Variants in STARD10 observed in about 807,000 individuals in gnomAD.
STARD10 encodes the protein StAR related lipid transfer domain containing 10.
In STARD10, 24 loss-of-function variants were observed where a neutral mutation model predicts 36.0. That is an observed-to-expected ratio of 0.67 (90% CI 0.48 to 0.94). The LOEUF (loss-of-function observed/expected upper bound fraction) is 0.94. Among genes scored for constraint, STARD10 ranks in the 40% least tolerant of loss-of-function variants. The pLI is 0.00. For missense variants in STARD10, 335 were observed against 396.6 expected, an observed-to-expected ratio of 0.84 and a Z score of 1.32; for synonymous variants, 156 against 161.9, an observed-to-expected ratio of 0.96 and a Z score of 0.28.
chr11:72,782,607 A>C (rs906522122), intron 1 of STARD10: 4 of 152,354 alleles, frequency 2.6e-5, no homozygotes, highest in Admixed American at 2.6e-4. Flanking sequence ...GCTATGGACT[A>C]GACTAGGCTC....
In STARD10 at chr11:72,793,526, T is replaced by C. The variant is rs541551090; in HGVS notation, c.-765A>G. 6.6e-6 allele frequency: 1 copy of C among 152,402 alleles called. No individual in the cohort carries two copies. Among genetic ancestry groups the C allele is most frequent in the Non-Finnish European group, 1.5e-5 (1 of 68,050 alleles). The allele number at this position is 152,402 out of a possible 1,614,324, so 9.4% of individuals were successfully genotyped here. A position where few individuals can be genotyped will look rare whatever the true frequency, so the allele number is the denominator to read the frequency against. On this transcript the variant is annotated 5_prime_UTR_variant, in exon 1 of 7. Transcript: ENST00000334805. ...ATCTGCCTGACTTCCTCTAACCTGT[T>C]GTCCCATTTGTAAAAGGACTGTTGT...
chr11:72,786,498 C>T (rs1859073723), intron 1 of STARD10, among the ~76,000 whole-genome samples: 2 of 152,222 alleles, frequency 1.3e-5, no homozygotes, highest in African/African-American at 4.8e-5. Flanking sequence ...TAAGTGTTTG[C>T]CCAGGGTGGG....
intron 2 of STARD10, among the ~76,000 whole-genome samples, chr11:72,768,128 C>T (rs1858815497): frequency 6.6e-6 from 1 of 152,244 alleles, no homozygotes; most frequent in South Asian, 2.1e-4. Flanking sequence ...CAGATGGCCC[C>T]TCTACCCTCA....
chr11:72,765,569 G>A (rs1277723648), intron 2 of STARD10, among the ~76,000 whole-genome samples: 1 of 152,176 alleles, frequency 6.6e-6, no homozygotes, highest in Non-Finnish European at 1.5e-5. Flanking sequence ...TAATGCTTAG[G>A]AGTCTTCATT....
chr11:72,768,569 C>G (rs1858820970), intron 2 of STARD10, among the ~76,000 whole-genome samples: 2 of 152,256 alleles, frequency 1.3e-5, no homozygotes, highest in Non-Finnish European at 2.9e-5. Flanking sequence ...CCTCCTCCTC[C>G]AGCACTGCCC....
chr11:72,780,901 G>A, intron 2 of STARD10, 74 bp downstream of exon 2: 1 of 1,483,058 alleles, frequency 6.7e-7, no homozygotes, highest in Non-Finnish European at 9.4e-7. Context: ...CTAGCCCGGA[G>A]AGAGGACCAG....
chr11:72,783,807 T>C (rs1318009960), intron 1 of STARD10, among the ~76,000 whole-genome samples: 1 of 151,782 alleles, frequency 6.6e-6, no homozygotes, highest in African/African-American at 2.4e-5. Flanking sequence ...GGCCAGGAGG[T>C]AGCAGTGAGG....
chr11:72,755,150 C>T lies in STARD10; in HGVS notation c.631-8G>A. ...GTACATCTTCTTCATGGCCTGTGGG[C>T]CCGCCGCCCCGCCGGGTCAGGGGGT... is the stretch of plus-strand genomic sequence containing the variant. On this transcript the variant is annotated splice_region_variant and splice_polypyrimidine_tract_variant and intron_variant, in intron 6 of 6. Transcript: ENST00000334805. The T allele has an allele frequency of 6.2e-7, 1 of 1,605,432 alleles. No homozygotes were observed. Among genetic ancestry groups the T allele is most frequent in the South Asian group, 1.1e-5 (1 of 90,220 alleles).
rs560994294 is a variant in STARD10 at position 72,763,485 on chromosome 11, G to A, written c.208-4104C>T. On this transcript the variant is annotated intron_variant, in intron 2 of 6. Coordinates refer to ENST00000334805, the MANE Select transcript of STARD10 (RefSeq NM_006645.3). ...CAGGTGTTGCCTGGTAGGACACAGTGAGAGGAATACAGGTATCACTTCTGT... is the reference window on the plus strand; with the variant it reads ...CAGGTGTTGCCTGGTAGGACACAGTAAGAGGAATACAGGTATCACTTCTGT... 3.3e-4 allele frequency among the ~76,000 whole-genome samples: 50 copies of A among 152,284 alleles called. 1 individual carries two copies. Among genetic ancestry groups the A allele is most frequent in the African/African-American group, 1.0e-3 (43 of 41,552 alleles).
chr11:72,781,877 TC>T lies in STARD10; in HGVS notation c.-113-584del, dbSNP rs1859005560. On this transcript the variant is annotated intron_variant, in intron 1 of 6. Coordinates refer to ENST00000334805, the MANE Select transcript of STARD10 (RefSeq NM_006645.3). The surrounding 1 kb of genome is among the most constrained non-coding windows in gnomAD (Gnocchi z 4.7). ...GCTCGGCGGCCGCGGCTCGGGATTT[TC>T]CAGGCTGCGGAGGTGAAGCTGACGG... The T allele has an allele frequency of 6.6e-6, 1 of 150,728 alleles. No homozygotes were observed. The highest frequency in any genetic ancestry group is 1.5e-5 in the Non-Finnish European group (1 of 67,486). The allele number at this position is 150,728 out of a possible 1,614,324, so 9.3% of individuals were successfully genotyped here.
chr11:72,780,507 A>G (rs1858978006), intron 2 of STARD10: 1 of 389,622 alleles, frequency 2.6e-6, no homozygotes, highest in African/African-American at 2.1e-5. Flanking sequence ...GGCATCGGGC[A>G]GTAAGGAATC....
At chr11:72,785,745 C>G (rs1842715985) in intron 1 of STARD10, 1 of 152,658 alleles carries the variant, frequency 6.6e-6, no homozygotes, top group African/African-American at 2.4e-5. Flanking sequence ...GGCCCCCAAC[C>G]TGCCCAGTGT....
rs1193184888 is a variant in STARD10, at chr11:72,754,959, T to A, written c.814A>T (p.Arg272Ter). ...CCCGCGCCGCCCATCCGCTCCTCTCTGCTCTCGGCCACCGCGCTCTCGTCG... is the reference window on the plus strand; with the variant it reads ...CCCGCGCCGCCCATCCGCTCCTCTCAGCTCTCGGCCACCGCGCTCTCGTCG... The part of the protein sequence containing the change: ...NIDESAVAES[R>*]EERMGGAGGE... The change falls in exon 7 of 7, where the codon AGA becomes TGA. Residue 272 changes from arginine (R) to a stop codon, truncating the protein, a stop_gained. Transcript: ENST00000334805. LOFTEE classifies it high-confidence loss of function. The A allele has an allele frequency of 6.2e-7, 1 of 1,609,122 alleles. No homozygotes were observed. The highest frequency in any genetic ancestry group is 8.5e-7 in the Non-Finnish European group (1 of 1,179,216).
intron 1 of STARD10, among the ~76,000 whole-genome samples, chr11:72,788,302 C>A (rs1251835007): frequency 6.6e-6 from 1 of 152,178 alleles, no homozygotes; most frequent in Non-Finnish European, 1.5e-5. Context: ...GTGAAAGGCA[C>A]CTACTGTGCC....
intron 2 of STARD10, among the ~76,000 whole-genome samples, chr11:72,775,232 C>T (rs115282980): frequency 1.3e-3 from 191 of 152,336 alleles, no homozygotes; most frequent in African/African-American, 4.4e-3. Context: ...ATGATCATGC[C>T]TAAGGCTCTC....
At chr11:72,768,444 C>G (rs558638864) in intron 2 of STARD10, among the ~76,000 whole-genome samples, 33 of 151,852 alleles carry the variant, frequency 2.2e-4, no homozygotes, top group African/African-American at 7.5e-4. Context: ...ACTTTACACT[C>G]CCCCCGCCCC....
At chr11:72,766,367 C>T (rs1858790571) in intron 2 of STARD10, among the ~76,000 whole-genome samples, 1 of 152,098 alleles carries the variant, frequency 6.6e-6, no homozygotes, top group African/African-American at 2.4e-5. Context: ...AAAGAGGTTC[C>T]GCCAAGTAGA....
At position 72,781,781 on chromosome 11, in the gene STARD10, C is replaced by T. The variant is rs1367833838; in HGVS notation, c.-113-487G>A. 2.0e-5 allele frequency: 3 copies of T among 149,684 alleles called. No homozygotes were observed. The South Asian group carries it at 6.2e-4, about 31-fold the overall frequency. 9.3% of individuals were successfully genotyped at this position (149,684 alleles called of 1,614,324 possible). A position where few individuals can be genotyped will look rare whatever the true frequency, so the allele number is the denominator to read the frequency against. ...TGGTGGGAGGAGCAGTGGGTCCCGC[C>T]GCCCGGCCCCGCCCCGGGCCCCAGC... is the stretch of plus-strand genomic sequence containing the variant. On this transcript the variant is annotated intron_variant, in intron 1 of 6. Coordinates refer to ENST00000334805, the MANE Select transcript of STARD10 (RefSeq NM_006645.3). This position sits in a 1 kb window ranked among gnomAD's most constrained non-coding sequence, Gnocchi z 4.7.
chr11:72,766,970 C>T (rs1251394798), intron 2 of STARD10, among the ~76,000 whole-genome samples: 1 of 152,224 alleles, frequency 6.6e-6, no homozygotes, highest in Non-Finnish European at 1.5e-5. Flanking sequence ...CACTCAGAAC[C>T]CTTCAGGTGA....
Sources: gnomAD v4.1 joint callset for allele counts (sites outside exome capture counted in the v4.1 genomes callset) on GRCh38, gnomAD v4.1.1 for gene constraint, Gnocchi (gnomAD v3.1) non-coding constraint, MANE v1.5 for transcripts, NCBI Gene and HGNC (gene_info 2026-07-23, HGNC 2026-07-21) for gene names.